The following TEX11 variants were observed in gnomAD, a reference collection of about 807,000 sequenced individuals.
TEX11 encodes the protein testis-expressed protein 11.
Under a neutral mutation model 84.4 loss-of-function variants are expected in TEX11, and 7 were observed. That is an observed-to-expected ratio of 0.08 (90% CI 0.05 to 0.16). The LOEUF (loss-of-function observed/expected upper bound fraction) is 0.16. Among genes scored for constraint, TEX11 ranks in the 10% least tolerant of loss-of-function variants. The probability of loss-of-function intolerance (pLI) is 1.00; values close to 1 mark genes in which losing one functional copy is unlikely to be tolerated. For synonymous variants in TEX11, 264 were observed against 222.8 expected, an observed-to-expected ratio of 1.18 and a Z score of -1.64; for missense variants, 551 against 660.5, an observed-to-expected ratio of 0.83 and a Z score of 1.82.
At chrX:70,788,973 TAGAGAGAGAGAGAGAGAG>T (rs35956435) in intron 9 of TEX11, among the ~76,000 whole-genome samples, 9 of 9,556 alleles carry the variant, frequency 9.4e-4, no homozygotes, top group Non-Finnish European at 1.6e-3. Flanking sequence ...TATATATATA[TAGAGAGAGAGAGAGAGAG>T]AGAGAGAGAG....
At chrX:70,839,970 T>C (rs2091432159) in intron 7 of TEX11, among the ~76,000 whole-genome samples, 1 of 111,405 alleles carries the variant, frequency 9.0e-6, no homozygotes, top group African/African-American at 3.3e-5. Flanking sequence ...CCAAGAAATA[T>C]GGGACTATTG....
intron 2 of TEX11, among the ~76,000 whole-genome samples, chrX:70,887,424 C>T (rs2091715457): frequency 8.9e-6 from 1 of 111,866 alleles, no homozygotes; most frequent in African/African-American, 3.2e-5. Flanking sequence ...TAAACATCGG[C>T]AGTAGCCTGG....
intron 9 of TEX11, among the ~76,000 whole-genome samples, chrX:70,756,983 TG>T (rs1246789933): frequency 8.9e-6 from 1 of 112,296 alleles, no homozygotes; most frequent in East Asian, 2.8e-4. Context: ...GCACAAGCTT[TG>T]ATAGCTGATT....
chrX:70,604,839 T>C (rs897287607), intron 24 of TEX11, among the ~76,000 whole-genome samples: 1 of 111,309 alleles, frequency 9.0e-6, no homozygotes, highest in African/African-American at 3.3e-5. Context: ...AATAATCTGG[T>C]GTATGGGAGA....
chrX:70,885,899 A>G (rs1010587417), intron 2 of TEX11, among the ~76,000 whole-genome samples: 6 of 108,458 alleles, frequency 5.5e-5, no homozygotes, highest in African/African-American at 1.4e-4. Context: ...AAAAAAAAAA[A>G]AAAAAGAAAA....
chrX:70,734,192 T>A (rs1413657491), intron 11 of TEX11, among the ~76,000 whole-genome samples: 1 of 110,174 alleles, frequency 9.1e-6, no homozygotes, highest in Non-Finnish European at 1.9e-5. Context: ...TTAGGAGATA[T>A]ACCTAATGTT....
chrX:70,645,801 C>A (rs1396776691), intron 17 of TEX11, among the ~76,000 whole-genome samples: 1 of 110,507 alleles, frequency 9.0e-6, no homozygotes, highest in Admixed American at 9.7e-5. Flanking sequence ...GAAAGATATC[C>A]CAGGTTCACG....
chrX:70,567,012 C>T (rs867635743), intron 25 of TEX11, among the ~76,000 whole-genome samples: 5 of 111,354 alleles, frequency 4.5e-5, no homozygotes, highest in East Asian at 2.8e-4. Flanking sequence ...TGGTAGAATT[C>T]GGCTGTGAAT....
intron 9 of TEX11, among the ~76,000 whole-genome samples, chrX:70,752,029 A>T (rs1040986402): frequency 4.5e-5 from 5 of 112,349 alleles, no homozygotes; most frequent in African/African-American, 1.6e-4. Flanking sequence ...ATTGGGTGGG[A>T]AAGAAATTCA....
In TEX11 at chrX:70,569,663, G is replaced by C. The variant is rs772482723; in HGVS notation, c.2141-14863C>G. ...GCTGCAGGTCTGTTGGAGTTTGCTAGAGGTCCACTCCAGACCCTGTTTGCC... is the reference window on the plus strand; with the variant it reads ...GCTGCAGGTCTGTTGGAGTTTGCTACAGGTCCACTCCAGACCCTGTTTGCC... On this transcript the variant is annotated intron_variant, in intron 25 of 29. Coordinates refer to ENST00000374333, the MANE Select transcript of TEX11 (RefSeq NM_031276.3). 2.8e-3 allele frequency among the ~76,000 whole-genome samples: 309 copies of C among 112,051 alleles called. 3 individuals carry two copies. The highest frequency in any genetic ancestry group is 9.4e-3 in the African/African-American group (289 of 30,890).
At chrX:70,723,422 TAA>T (rs1047432405) in intron 12 of TEX11, among the ~76,000 whole-genome samples, 1 of 111,640 alleles carries the variant, frequency 9.0e-6, no homozygotes, top group African/African-American at 3.2e-5. Flanking sequence ...GAAAAATGTA[TAA>T]GATTAGTAAG....
intron 24 of TEX11, among the ~76,000 whole-genome samples, chrX:70,596,716 C>A (rs1432291162): frequency 9.1e-6 from 1 of 109,692 alleles, no homozygotes; most frequent in Non-Finnish European, 1.9e-5. Flanking sequence ...CCAAGTTTTA[C>A]CTTAAGAAGC....
intron 13 of TEX11, among the ~76,000 whole-genome samples, chrX:70,717,611 G>A (rs995245329): frequency 9.0e-6 from 1 of 111,544 alleles, no homozygotes; most frequent in African/African-American, 3.3e-5. Context: ...AAGCCACCAC[G>A]CCTGGCCACT....
chrX:70,833,692 T>C lies in TEX11; in HGVS notation c.526-99A>G, dbSNP rs767368498. 6 of 649,335 alleles carry C rather than the reference T, an allele frequency of 9.2e-6. No homozygotes were observed. In the African/African-American group the frequency reaches 1.1e-4, roughly 12 times the overall value. The allele number at this position is 649,335 out of a possible 1,213,427, so 53.5% of individuals were successfully genotyped here. On this transcript the variant is annotated intron_variant, in intron 7 of 29. Transcript: ENST00000374333. ...TTTTAACTAGTGTTTAAAAGTCTTA[T>C]TTTGTTTTCTAATATTTTTAGCAAT...
At chrX:70,861,262 C>A (rs889681859) in intron 4 of TEX11, among the ~76,000 whole-genome samples, 2 of 106,024 alleles carry the variant, frequency 1.9e-5, no homozygotes, top group African/African-American at 6.9e-5. Flanking sequence ...GGGGTTTCAC[C>A]GTTTTAGCCG....
chrX:70,548,560 C>T (rs2088170084), intron 28 of TEX11, among the ~76,000 whole-genome samples: 1 of 111,272 alleles, frequency 9.0e-6, no homozygotes, highest in Admixed American at 9.5e-5. Context: ...CTCCTATGCC[C>T]CAACAGTGGC....
intron 20 of TEX11, among the ~76,000 whole-genome samples, chrX:70,614,684 G>A (rs2089298422): frequency 1.8e-5 from 2 of 111,610 alleles, no homozygotes; most frequent in Non-Finnish European, 3.8e-5. Flanking sequence ...GTCAGGTAGT[G>A]CTTACAGTGG....
Position 70,678,836 on chromosome X carries a change from T to C in TEX11, c.1210A>G (p.Ile404Val). Residue 404 changes from isoleucine to valine, a missense_variant, in exon 15 of 30, where the codon ATT becomes GTT. Transcript: ENST00000374333. Reference protein sequence around the residue: ...TAESMNWLHNILWRQAASSFE... With the variant: ...TAESMNWLHNVLWRQAASSFE... ...CTACTGGCAGCTTGTCTCCACAGAATGTTGTGTAACCAGTTCATTGATTCT... is the reference window on the plus strand; with the variant it reads ...CTACTGGCAGCTTGTCTCCACAGAACGTTGTGTAACCAGTTCATTGATTCT... The C allele has an allele frequency of 8.3e-7, 1 of 1,206,589 alleles. No homozygotes were observed. Among genetic ancestry groups the C allele is most frequent in the Non-Finnish European group, 1.1e-6 (1 of 893,686 alleles).
intron 13 of TEX11, among the ~76,000 whole-genome samples, chrX:70,713,151 A>T (rs1306361625): frequency 9.0e-6 from 1 of 111,673 alleles, no homozygotes; most frequent in African/African-American, 3.3e-5. Flanking sequence ...CCACTTGATC[A>T]TGGTGGAGAA....
Sources: allele counts gnomAD v4.1 joint callset (sites outside exome capture counted in the v4.1 genomes callset), GRCh38; gene constraint gnomAD v4.1.1; transcripts MANE v1.5; gene names NCBI Gene and HGNC (gene_info 2026-07-23, HGNC 2026-07-21).